The following IGSF22 variants were observed in gnomAD, a reference collection of about 807,000 sequenced individuals.
IGSF22 encodes the protein immunoglobulin superfamily member 22.
In IGSF22, 119 loss-of-function variants were observed where a neutral mutation model predicts 127.0. The ratio of observed to expected loss-of-function variants is 0.94; its 90% CI spans 0.81 to 1.09. The LOEUF (loss-of-function observed/expected upper bound fraction) is 1.09. Ranked by LOEUF, IGSF22 falls within the 50% of genes least tolerant of loss-of-function variation. The probability of loss-of-function intolerance (pLI) is 0.00; values close to 1 mark genes in which losing one functional copy is unlikely to be tolerated. For missense variants in IGSF22, 1,518 were observed against 1,716.6 expected (o/e 0.88, Z 2.04); for synonymous variants, 568 against 664.7 (o/e 0.85, Z 2.24).
chr11:18,716,861 G>A lies in IGSF22; in HGVS notation c.1113C>T (p.Asp371=). The change falls in exon 10 of 23, where the codon GAC becomes GAT. Residue 371 remains aspartate, a synonymous_variant. Transcript: ENST00000513874. The surrounding 1 kb of genome is among the most constrained non-coding windows in gnomAD (Gnocchi z 4.5). The part of the protein sequence containing the change: ...KFNGKELKRD[D]KYEITVSEDG... ...CTTCGGACACCGTGATTTCATACTT[G>A]TCATCCCTCTTCAGCTCCTTCCCAT... 6 of 1,614,168 alleles carry A rather than the reference G, an allele frequency of 3.7e-6. No homozygotes were observed. The highest frequency in any genetic ancestry group is 5.1e-6 in the Non-Finnish European group (6 of 1,180,030).
At chr11:18,710,119 G>A (rs139997951) in intron 17 of IGSF22, among the ~76,000 whole-genome samples, 4 of 152,160 alleles carry the variant, frequency 2.6e-5, no homozygotes, top group African/African-American at 9.6e-5. Flanking sequence ...AAACGTTTTT[G>A]CACCCCACCT....
chr11:18,709,348 A>C lies in IGSF22; in HGVS notation c.2998+39T>G, dbSNP rs11024768. ...CCAGAGGAGAAGGTTTGGAGGTACA[A>C]TGTTGGGCATGAATCCCCAGCCCTC... On this transcript the variant is annotated intron_variant, in intron 18 of 22. Coordinates refer to ENST00000513874, the MANE Select transcript of IGSF22 (RefSeq NM_173588.4). This position sits in a 1 kb window ranked among gnomAD's most constrained non-coding sequence, Gnocchi z 4.8. The C allele has an allele frequency of 6.3e-7, 1 of 1,592,290 alleles. No individual in the cohort carries two copies.
rs1225399500 is a variant in IGSF22, at chr11:18,715,650, A to G, written c.1313T>C (p.Leu438Pro). Residue 438 changes from leucine (L) to proline (P), a missense_variant, in exon 11 of 23, where the codon CTG (leucine) becomes CCG (proline). Leu to Pro is a moderately conservative substitution (Grantham distance 98). Coordinates refer to ENST00000513874, the MANE Select transcript of IGSF22 (RefSeq NM_173588.4). ...ATCCTTGGATGTCAGCTCACACTCCAGGCATGCGCGACTCCTCTCTTTCAC... is the reference window on the plus strand; with the variant it reads ...ATCCTTGGATGTCAGCTCACACTCCGGGCATGCGCGACTCCTCTCTTTCAC... The part of the protein sequence containing the change: ...VRVKERSRAC[L>P]ECELTSKDVT... 3.7e-6 allele frequency: 6 copies of G among 1,613,942 alleles called. No individual in the cohort carries two copies. The East Asian group carries it at 8.9e-5, about 24-fold the overall frequency.
intron 14 of IGSF22, among the ~76,000 whole-genome samples, chr11:18,713,038 A>G (rs1848386140): frequency 6.6e-6 from 1 of 151,258 alleles, no homozygotes; most frequent in Non-Finnish European, 1.5e-5. Context: ...ACCTTATTTT[A>G]TCTCCAGCTC....
At chr11:18,723,812 T>C (rs1199183523) in intron 2 of IGSF22, among the ~76,000 whole-genome samples, 3 of 152,258 alleles carry the variant, frequency 2.0e-5, no homozygotes, top group African/African-American at 4.8e-5. Flanking sequence ...CCTGAAATTC[T>C]ACCTTTGGAG....
chr11:18,713,310 G>A (rs1349397037), intron 14 of IGSF22, among the ~76,000 whole-genome samples: 1 of 151,958 alleles, frequency 6.6e-6, no homozygotes, highest in African/African-American at 2.4e-5. Context: ...GTGCCACTAC[G>A]CTCGGCTAAT....
chr11:18,715,773 G>C, intron 10 of IGSF22, 57 bp from the exon 11 acceptor site: 1 of 1,547,748 alleles, frequency 6.5e-7, no homozygotes, highest in Middle Eastern at 1.7e-4. Context: ...TTTTTCTGCA[G>C]CTATAGAGCC....
At chr11:18,705,703 C>G in intron 22 of IGSF22, 114 bp downstream of exon 22, 2 of 860,204 alleles carry the variant, frequency 2.3e-6, no homozygotes, top group African/African-American at 1.7e-5. Flanking sequence ...TTTGCACCAC[C>G]TGTTGGCAGT....
chr11:18,707,063 G>C lies in IGSF22; in HGVS notation c.3431C>G (p.Thr1144Arg). Residue 1144 changes from threonine to arginine, a missense_variant, in exon 21 of 23, where the codon ACG (threonine) becomes AGG (arginine). Thr to Arg is a moderately conservative substitution (Grantham distance 71). Coordinates refer to ENST00000513874, the MANE Select transcript of IGSF22 (RefSeq NM_173588.4). ...KRDASTATWY[T>R]AAERVFSNKY... ...GTTGCTGAAGACACGCTCGGCTGCC[G>C]TGTACCAGGTGGCTGTGCTTGCATC... 1.3e-6 allele frequency: 2 copies of C among 1,551,696 alleles called. No individual in the cohort carries two copies. The highest frequency in any genetic ancestry group is 1.7e-6 in the Non-Finnish European group (2 of 1,146,990).
intron 21 of IGSF22, 130 bp from the exon 22 acceptor site, chr11:18,706,276 G>T (rs578012962): frequency 4.5e-6 from 4 of 891,918 alleles, no homozygotes; most frequent in Non-Finnish European, 1.7e-6. Flanking sequence ...AACTCTGGGG[G>T]CCCAATGTTA....
intron 20 of IGSF22, 149 bp from the exon 21 acceptor site, chr11:18,707,362 T>G: frequency 1.4e-6 from 1 of 703,592 alleles, no homozygotes; most frequent in Non-Finnish European, 2.2e-6. Context: ...TTCTGAAGTC[T>G]GCTCTGCCAT....
At chr11:18,711,394 T>C (rs1405103688) in intron 15 of IGSF22, among the ~76,000 whole-genome samples, 3 of 152,154 alleles carry the variant, frequency 2.0e-5, no homozygotes, top group Admixed American at 6.5e-5. Context: ...TCATTTGCAG[T>C]AATAATAATA....
At chr11:18,715,234 A>C (rs1007897445) in intron 11 of IGSF22, among the ~76,000 whole-genome samples, 198 bp downstream of exon 11, 1 of 151,682 alleles carries the variant, frequency 6.6e-6, no homozygotes, top group Non-Finnish European at 1.5e-5. Context: ...AGTGTCTAGG[A>C]GGTATAAATG....
In IGSF22 at chr11:18,715,578, G is replaced by A; in HGVS notation, c.1385C>T (p.Thr462Ile). 6.2e-7 allele frequency: 1 copy of A among 1,614,048 alleles called. No individual in the cohort carries two copies. Among genetic ancestry groups the A allele is most frequent in the Non-Finnish European group, 8.5e-7 (1 of 1,180,012 alleles). The change falls in exon 11 of 23, where the codon ACT (threonine) becomes ATT (isoleucine). Residue 462 changes from threonine to isoleucine, a missense_variant. By Grantham distance (89) the Thr-to-Ile change is moderately conservative. This residue lies in a region of IGSF22 where 1,456 missense variants were observed against 1,644.9 expected (regional missense o/e 0.89). Transcript: ENST00000513874. Reference protein sequence around the residue: ...KKDGQLLMHGTKYSMNHEGKR... With the variant: ...KKDGQLLMHGIKYSMNHEGKR... ...GCCCTCATGGTTCATGCTGTACTTA[G>A]TGCCATGCATCAGCAGCTGCCCATC...
In IGSF22 at chr11:18,709,750, C is replaced by T. The variant is rs1564869108; in HGVS notation, c.2702-67G>A. The T allele has an allele frequency of 1.3e-6, 2 of 1,482,464 alleles. No individual in the cohort carries two copies. The highest frequency in any genetic ancestry group is 9.2e-7 in the Non-Finnish European group (1 of 1,091,114). The allele number at this position is 1,482,464 out of a possible 1,614,324, so 91.8% of individuals were successfully genotyped here. A position where few individuals can be genotyped will look rare whatever the true frequency, so the allele number is the denominator to read the frequency against. ...TCCACTCAATGCCTTGCTCACTTCC[C>T]ACACTCAATACTCCTGAACCCCATC... is the stretch of plus-strand genomic sequence containing the variant. On this transcript the variant is annotated intron_variant, in intron 17 of 22. Coordinates refer to ENST00000513874, the MANE Select transcript of IGSF22 (RefSeq NM_173588.4). The surrounding 1 kb of genome is among the most constrained non-coding windows in gnomAD (Gnocchi z 4.8).
chr11:18,720,362 C>T, intron 4 of IGSF22, 77 bp from the exon 5 acceptor site: 1 of 1,076,894 alleles, frequency 9.3e-7, no homozygotes, highest in Non-Finnish European at 1.4e-6. Context: ...AGGTAGGAGG[C>T]CTTTTTTTTT....
chr11:18,716,797 G>A lies in IGSF22; in HGVS notation c.1177C>T (p.Leu393Phe). Residue 393 changes from leucine to phenylalanine, a missense_variant, in exon 10 of 23, where the codon CTC (leucine) becomes TTC (phenylalanine). By Grantham distance (22) the Leu-to-Phe change is conservative. This residue lies in a region of IGSF22 where 1,456 missense variants were observed against 1,644.9 expected (regional missense o/e 0.89). Coordinates refer to ENST00000513874, the MANE Select transcript of IGSF22 (RefSeq NM_173588.4). This position sits in a 1 kb window ranked among gnomAD's most constrained non-coding sequence, Gnocchi z 4.5. Reference sequence around the variant, plus strand: ...GCAGAGAACTCGCCGCTGTCACTGAGTCTGGCATCCTTAATCTTAAGCGTG... The same window carrying A: ...GCAGAGAACTCGCCGCTGTCACTGAATCTGGCATCCTTAATCTTAAGCGTG... ...THTLKIKDAR[L>F]SDSGEFSAEA... is the part of the protein sequence containing the mutation. 6.2e-7 allele frequency: 1 copy of A among 1,614,208 alleles called. No homozygotes were observed. Among genetic ancestry groups the A allele is most frequent in the Non-Finnish European group, 8.5e-7 (1 of 1,180,040 alleles).
chr11:18,706,444 C>T (rs1163813755), intron 21 of IGSF22: 1 of 481,300 alleles, frequency 2.1e-6, no homozygotes, highest in Non-Finnish European at 3.7e-6. Flanking sequence ...CCGGTTATTC[C>T]CAGCCTTTAA....
At position 18,724,250 on chromosome 11, in the gene IGSF22, G is replaced by C. The variant is rs139126619; in HGVS notation, c.-14C>G. On this transcript the variant is annotated 5_prime_UTR_variant, in exon 2 of 23. Coordinates refer to ENST00000513874, the MANE Select transcript of IGSF22 (RefSeq NM_173588.4). ...AATGGTTGTCATGGTGACAGCAGGC[G>C]TGGGCACTCACCTGTGAGACTGGGG... 46 of 1,598,076 alleles carry C rather than the reference G, an allele frequency of 2.9e-5. No homozygotes were observed. The East Asian group carries it at 1.0e-3, about 35-fold the overall frequency.
Sources: gnomAD v4.1 joint callset for allele counts (sites outside exome capture counted in the v4.1 genomes callset) on GRCh38, gnomAD v4.1.1 for gene constraint, gnomAD v4.1.1 regional missense constraint, Gnocchi (gnomAD v3.1) non-coding constraint, MANE v1.5 for transcripts, NCBI Gene and HGNC (gene_info 2026-07-23, HGNC 2026-07-21) for gene names.